Variants in KIF20B observed in about 807,000 individuals in gnomAD.
KIF20B encodes the protein kinesin-like protein KIF20B.
Under a neutral mutation model 232.5 loss-of-function variants are expected in KIF20B, and 188 were observed. The ratio of observed to expected loss-of-function variants is 0.81; its 90% CI spans 0.72 to 0.91. KIF20B has a LOEUF of 0.91. Among genes scored for constraint, KIF20B ranks in the 40% least tolerant of loss-of-function variants. KIF20B has a pLI of 0.00. For missense variants in KIF20B, 2,154 were observed against 2,055.9 expected, an observed-to-expected ratio of 1.05 and a Z score of -0.92; for synonymous variants, 712 against 683.0, an observed-to-expected ratio of 1.04 and a Z score of -0.66.
chr10:89,764,316 T>A (rs1246103081), intron 29 of KIF20B, among the ~76,000 whole-genome samples: 1 of 152,126 alleles, frequency 6.6e-6, no homozygotes, highest in African/African-American at 2.4e-5. Context: ...TTTGGATTGG[T>A]TCCAAGTCTT....
chr10:89,742,576 T>G (rs1253494758), intron 21 of KIF20B, among the ~76,000 whole-genome samples: 2 of 152,146 alleles, frequency 1.3e-5, no homozygotes, highest in African/African-American at 4.8e-5. Flanking sequence ...TTAAACAAAA[T>G]TAGCAAATAT....
intron 5 of KIF20B, 123 bp downstream of exon 5, chr10:89,710,188 A>T: frequency 3.8e-6 from 3 of 779,534 alleles, no homozygotes; most frequent in African/African-American, 1.8e-5. Context: ...TATTTTTAAT[A>T]GTACTAGCAT....
At chr10:89,749,978 TTAGA>T (rs1347326067) in intron 23 of KIF20B, among the ~76,000 whole-genome samples, 1 of 152,224 alleles carries the variant, frequency 6.6e-6, no homozygotes, top group African/African-American at 2.4e-5. Context: ...GATAATATCT[TTAGA>T]TAGCTATGAT....
intron 5 of KIF20B, 101 bp downstream of exon 5, chr10:89,710,166 A>G (rs1034500810): frequency 7.9e-6 from 8 of 1,008,388 alleles, no homozygotes; most frequent in African/African-American, 1.7e-5. Context: ...ATTACCTAGT[A>G]TGCGTTTGCT....
At chr10:89,749,836 A>G (rs773403178) in intron 23 of KIF20B, among the ~76,000 whole-genome samples, 4 of 152,180 alleles carry the variant, frequency 2.6e-5, no homozygotes, top group Non-Finnish European at 5.9e-5. Context: ...GAACATTTAT[A>G]TGCAAGTTTT....
In KIF20B at chr10:89,760,578, A is replaced by G. The variant is rs371471387; in HGVS notation, c.4733A>G (p.Asp1578Gly). The G allele has an allele frequency of 5.6e-6, 9 of 1,613,194 alleles. No homozygotes were observed. The highest frequency in any genetic ancestry group is 7.6e-6 in the Non-Finnish European group (9 of 1,179,450). ...KPKRISSADPDKLQTEPLSTS... is the reference protein window; with the variant it reads ...KPKRISSADPGKLQTEPLSTS... Reference sequence around the variant, plus strand: ...AAACGTATTAGTTCAGCAGATCCTGACAAACTTCAAACTGAACCTCTATCG... The same window carrying G: ...AAACGTATTAGTTCAGCAGATCCTGGCAAACTTCAAACTGAACCTCTATCG... The change falls in exon 28 of 33, where the codon GAC becomes GGC. Residue 1578 changes from aspartate to glycine, a missense_variant. Physicochemically the swap from Asp to Gly is moderately conservative, Grantham distance 94 (BLOSUM62 -1). Coordinates refer to ENST00000371728, the MANE Select transcript of KIF20B (RefSeq NM_001284259.2).
chr10:89,746,940 C>G (rs1347569344), intron 23 of KIF20B, among the ~76,000 whole-genome samples: 1 of 152,174 alleles, frequency 6.6e-6, no homozygotes, highest in Admixed American at 6.5e-5. Context: ...ACATTGATTT[C>G]TTGTAATGGC....
intron 31 of KIF20B, among the ~76,000 whole-genome samples, chr10:89,771,751 G>A (rs1051092088): frequency 6.6e-6 from 1 of 151,968 alleles, no homozygotes; most frequent in African/African-American, 2.4e-5. Flanking sequence ...CTATAAAACT[G>A]CGAGAGCCTT....
At position 89,768,786 on chromosome 10, in the gene KIF20B, G is replaced by C. The variant is rs780086166; in HGVS notation, c.5140G>C (p.Ala1714Pro). 2.5e-6 allele frequency: 4 copies of C among 1,606,440 alleles called. No individual in the cohort carries two copies. Among genetic ancestry groups the C allele is most frequent in the Non-Finnish European group, 2.5e-6 (3 of 1,177,210 alleles). The stretch of plus-strand genomic sequence containing the variant: ...GAAAACATATTCTTTACGGAGTCAG[G>C]CATCCATAATTGGTGTAAACCTGGC... Reference protein sequence around the residue: ...SKKTYSLRSQASIIGVNLATK... With the variant: ...SKKTYSLRSQPSIIGVNLATK... The change falls in exon 31 of 33, where the codon GCA becomes CCA. Residue 1714 changes from alanine to proline, a missense_variant. Physicochemically the swap from Ala to Pro is conservative, Grantham distance 27 (BLOSUM62 -1). Transcript: ENST00000371728.
chr10:89,737,948 G>T lies in KIF20B; in HGVS notation c.3107G>T (p.Ser1036Ile), dbSNP rs765735174. The change falls in exon 20 of 33, where the codon AGT becomes ATT. Residue 1036 changes from serine (S) to isoleucine (I), a missense_variant. Transcript: ENST00000371728. ...LDLLGNDYLV[S>I]KQVKEYRIQE... ...CTTTTAGGTAATGATTATTTGGTAA[G>T]TAAGCAAGTTAAAGAATATCGAATT... The T allele has an allele frequency of 5.6e-6, 9 of 1,613,304 alleles. No homozygotes were observed. The South Asian group carries it at 8.8e-5, about 16-fold the overall frequency.
At chr10:89,712,336 C>T (rs12250364) in intron 6 of KIF20B, among the ~76,000 whole-genome samples, 2,557 of 151,858 alleles carry the variant, frequency 0.017, 89 homozygotes, top group African/African-American at 0.058. Context: ...TCACTGCTGT[C>T]TTGAACTCCT....
chr10:89,746,161 A>G (rs1841905260), intron 23 of KIF20B, among the ~76,000 whole-genome samples: 1 of 152,176 alleles, frequency 6.6e-6, no homozygotes, highest in South Asian at 2.1e-4. Context: ...TGAAGGCCCC[A>G]GTGGGCGTGT....
intron 19 of KIF20B, among the ~76,000 whole-genome samples, chr10:89,733,525 T>C (rs544211856): frequency 1.3e-5 from 2 of 152,310 alleles, no homozygotes; most frequent in African/African-American, 4.8e-5. Context: ...ATAATACATG[T>C]TGAAGATTAT....
intron 23 of KIF20B, among the ~76,000 whole-genome samples, chr10:89,749,822 T>A (rs546802057): frequency 1.7e-4 from 26 of 152,324 alleles, no homozygotes; most frequent in Non-Finnish European, 2.5e-4. Context: ...CTTTTGGCTT[T>A]TATGAACATT....
chr10:89,768,724 GT>G lies in KIF20B; in HGVS notation c.5092-10del, dbSNP rs764642654. 6 of 1,569,160 alleles carry G rather than the reference GT, an allele frequency of 3.8e-6. No individual in the cohort carries two copies. Among genetic ancestry groups the G allele is most frequent in the Non-Finnish European group, 5.2e-6 (6 of 1,163,392 alleles). ...CTTCTCATCAACAATAACAAAAAAT[GT>G]TTTGTTTATTAGGTTGCCATACGTC... On this transcript the variant is annotated splice_polypyrimidine_tract_variant and intron_variant, in intron 30 of 32. Transcript: ENST00000371728.
At chr10:89,733,172 T>G (rs749688317) in intron 19 of KIF20B, 116 bp downstream of exon 19, 54 of 1,036,490 alleles carry the variant, frequency 5.2e-5, no homozygotes, top group Non-Finnish European at 7.2e-5. Flanking sequence ...TGAGAAAATC[T>G]AAACGTCTTG....
intron 18 of KIF20B, among the ~76,000 whole-genome samples, chr10:89,732,455 TTAAAAAAAAAAAAAGTC>T (rs1843344763): frequency 6.7e-6 from 1 of 150,196 alleles, no homozygotes; most frequent in East Asian, 1.9e-4. Flanking sequence ...GCAGTCTGCC[TTAAAAAAAAAAAAAGTC>T]TAAATGACGT....
chr10:89,746,911 A>T (rs986752936), intron 23 of KIF20B, among the ~76,000 whole-genome samples: 3 of 152,258 alleles, frequency 2.0e-5, no homozygotes, highest in Non-Finnish European at 4.4e-5. Flanking sequence ...TTAGAAAAAT[A>T]AAATAAGTAG....
At chr10:89,747,105 C>T (rs897160286) in intron 23 of KIF20B, among the ~76,000 whole-genome samples, 6 of 152,142 alleles carry the variant, frequency 3.9e-5, no homozygotes, top group African/African-American at 1.4e-4. Context: ...CAAAAGAAGA[C>T]ATTTATGCAG....
Sources: gnomAD v4.1 joint callset for allele counts (sites outside exome capture counted in the v4.1 genomes callset) on GRCh38, gnomAD v4.1.1 for gene constraint, MANE v1.5 for transcripts, NCBI Gene and HGNC (gene_info 2026-07-23, HGNC 2026-07-21) for gene names.